Variants in AMPH observed in about 807,000 individuals in gnomAD.
AMPH encodes amphiphysin.
In AMPH, 49 loss-of-function variants were observed where a neutral mutation model predicts 99.1. The observed-to-expected ratio is 0.49, with a 90% confidence interval of 0.39 to 0.63. AMPH has a LOEUF of 0.63. AMPH is among the 20% of genes least tolerant of loss of function. AMPH has a pLI of 0.00. For synonymous variants in AMPH, 314 were observed against 317.3 expected (o/e 0.99, Z 0.11); for missense variants, 759 against 863.4 (o/e 0.88, Z 1.52).
At chr7:38,553,899 A>G (rs76783097) in intron 1 of AMPH, among the ~76,000 whole-genome samples, 1,727 of 152,294 alleles carry the variant, frequency 0.011, 32 homozygotes, top group African/African-American at 0.037. Context: ...GTTTCACCAG[A>G]GTTGTTAGGA....
At chr7:38,490,541 CTTA>C (rs1289340181) in intron 5 of AMPH, among the ~76,000 whole-genome samples, 1 of 152,068 alleles carries the variant, frequency 6.6e-6, no homozygotes. Context: ...ATTTAAAATG[CTTA>C]TATCTTAACA....
intron 5 of AMPH, among the ~76,000 whole-genome samples, chr7:38,479,223 A>T (rs1788197635): frequency 6.6e-6 from 1 of 152,160 alleles, no homozygotes; most frequent in South Asian, 2.1e-4. Context: ...AAAAGGTAAG[A>T]ATTACGGGAT....
chr7:38,484,684 G>C (rs947647631), intron 5 of AMPH, among the ~76,000 whole-genome samples: 3 of 151,892 alleles, frequency 2.0e-5, no homozygotes, highest in Non-Finnish European at 4.4e-5. Context: ...TAAATATATA[G>C]ACAAATACAG....
At chr7:38,576,236 A>G (rs558241492) in intron 1 of AMPH, among the ~76,000 whole-genome samples, 54 of 152,348 alleles carry the variant, frequency 3.5e-4, no homozygotes, top group Admixed American at 7.2e-4. Flanking sequence ...AGGTCTAATT[A>G]AAAAACAAAT....
chr7:38,620,962 AG>A (rs1794038271), intron 1 of AMPH, among the ~76,000 whole-genome samples: 3 of 152,184 alleles, frequency 2.0e-5, no homozygotes, highest in African/African-American at 7.2e-5. Context: ...GGACCCAATT[AG>A]GGTCCACTTT....
intron 2 of AMPH, among the ~76,000 whole-genome samples, chr7:38,510,246 C>T (rs139419761): frequency 1.0e-3 from 158 of 152,192 alleles, no homozygotes; most frequent in African/African-American, 1.4e-3. Context: ...TGTCTGTGTG[C>T]GTGCGTCCCT....
At chr7:38,515,767 G>T (rs1789716035) in intron 2 of AMPH, among the ~76,000 whole-genome samples, 1 of 152,230 alleles carries the variant, frequency 6.6e-6, no homozygotes, top group African/African-American at 2.4e-5. Flanking sequence ...ACTTCCTAGA[G>T]ACTCATTAAA....
At chr7:38,521,059 T>C (rs1302999139) in intron 2 of AMPH, among the ~76,000 whole-genome samples, 2 of 152,152 alleles carry the variant, frequency 1.3e-5, no homozygotes, top group Non-Finnish European at 2.9e-5. Context: ...TTTAGTACTA[T>C]GAATGTGAGA....
At chr7:38,586,537 C>G (rs112179513) in intron 1 of AMPH, among the ~76,000 whole-genome samples, 1 of 151,678 alleles carries the variant, frequency 6.6e-6, no homozygotes, top group Non-Finnish European at 1.5e-5. Context: ...TGAGTTAGCT[C>G]TAAGCAACAT....
At chr7:38,630,925 C>G (rs1794435442) in intron 1 of AMPH, among the ~76,000 whole-genome samples, 1 of 152,206 alleles carries the variant, frequency 6.6e-6, no homozygotes. Flanking sequence ...CAGGGAGATG[C>G]GCTCTGCTCC....
chr7:38,449,194 G>A (rs1169408164), intron 11 of AMPH, among the ~76,000 whole-genome samples: 2 of 152,152 alleles, frequency 1.3e-5, no homozygotes, highest in African/African-American at 2.4e-5. Flanking sequence ...ACTCAAACGA[G>A]TTCTAGAGAA....
intron 18 of AMPH, among the ~76,000 whole-genome samples, chr7:38,392,459 C>A (rs953637145): frequency 6.9e-6 from 1 of 143,940 alleles, no homozygotes; most frequent in Non-Finnish European, 1.5e-5. Flanking sequence ...CGATCTCAGC[C>A]CACTGCAAAC....
At chr7:38,572,656 G>A (rs1251165495) in intron 1 of AMPH, among the ~76,000 whole-genome samples, 1 of 152,190 alleles carries the variant, frequency 6.6e-6, no homozygotes, top group Admixed American at 6.5e-5. Context: ...GGCACCAGAA[G>A]CCAGTCCATG....
chr7:38,433,898 A>G (rs990183342), intron 12 of AMPH, among the ~76,000 whole-genome samples: 7 of 152,144 alleles, frequency 4.6e-5, no homozygotes, highest in Non-Finnish European at 1.0e-4. Context: ...GATACTGCAG[A>G]GATCACAAGA....
chr7:38,590,091 C>T (rs554583364), intron 1 of AMPH, among the ~76,000 whole-genome samples: 4 of 152,200 alleles, frequency 2.6e-5, no homozygotes, highest in African/African-American at 9.6e-5. Flanking sequence ...ATGAGGTGGG[C>T]CTTTTGTTCT....
intron 2 of AMPH, among the ~76,000 whole-genome samples, chr7:38,533,113 C>A (rs1287550753): frequency 6.6e-6 from 1 of 152,184 alleles, no homozygotes; most frequent in Non-Finnish European, 1.5e-5. Flanking sequence ...AGACAATGAT[C>A]TATTTGAGAG....
intron 5 of AMPH, among the ~76,000 whole-genome samples, chr7:38,480,233 T>C (rs1469711004): frequency 1.3e-5 from 2 of 152,110 alleles, no homozygotes; most frequent in African/African-American, 4.8e-5. Flanking sequence ...TCAGCAAGTC[T>C]GTGGCAAAAG....
intron 1 of AMPH, among the ~76,000 whole-genome samples, chr7:38,573,856 A>G (rs1792135677): frequency 6.6e-6 from 1 of 152,234 alleles, no homozygotes; most frequent in South Asian, 2.1e-4. Flanking sequence ...CTAAATAGTA[A>G]CTAATGTAGT....
intron 1 of AMPH, among the ~76,000 whole-genome samples, chr7:38,582,585 G>A (rs61584868): frequency 0.28 from 42,806 of 152,004 alleles, 6,424 homozygotes; most frequent in Non-Finnish European, 0.34. Flanking sequence ...TGTGTATTAT[G>A]TTTTAAATGT....
Sources: allele counts gnomAD v4.1 joint callset (sites outside exome capture counted in the v4.1 genomes callset), GRCh38; gene constraint gnomAD v4.1.1; transcripts MANE v1.5; gene names NCBI Gene and HGNC (gene_info 2026-07-23, HGNC 2026-07-21).